The following MBD2 variants were observed in gnomAD, a reference collection of about 807,000 sequenced individuals.
The protein encoded by MBD2 is methyl-CpG-binding domain protein 2.
In MBD2, 9 loss-of-function variants were observed where a neutral mutation model predicts 39.3. That is an observed-to-expected ratio of 0.23 (90% CI 0.14 to 0.40). The LOEUF (loss-of-function observed/expected upper bound fraction) is 0.40. Ranked by LOEUF, MBD2 falls within the 10% of genes least tolerant of loss-of-function variation. MBD2 has a pLI of 1.00. For synonymous variants in MBD2, 233 were observed against 211.1 expected (o/e 1.10, Z -0.90); for missense variants, 458 against 532.6 (o/e 0.86, Z 1.38).
chr18:54,223,897 A>G, intron 1 of MBD2, 121 bp downstream of exon 1: 1 of 811,764 alleles, frequency 1.2e-6, no homozygotes, highest in Non-Finnish European at 1.8e-6. Context: ...TTCCACCACC[A>G]AACCAGCCTG....
At chr18:54,212,874 A>C (rs2086520734) in intron 1 of MBD2, among the ~76,000 whole-genome samples, 1 of 143,972 alleles carries the variant, frequency 6.9e-6, no homozygotes, top group Non-Finnish European at 1.5e-5. Context: ...TACAAAAAAA[A>C]CACAAAAATT....
At chr18:54,210,968 T>G (rs1308631522) in intron 1 of MBD2, among the ~76,000 whole-genome samples, 1 of 144,894 alleles carries the variant, frequency 6.9e-6, no homozygotes, top group East Asian at 2.0e-4. Flanking sequence ...GCCTCCCGGG[T>G]TCACGCCATT....
chr18:54,199,778 T>C (rs531498163), intron 2 of MBD2, among the ~76,000 whole-genome samples: 16 of 152,274 alleles, frequency 1.1e-4, no homozygotes, highest in African/African-American at 3.9e-4. Context: ...CATCTTTATT[T>C]TTCTAGACTA....
At chr18:54,194,009 A>G (rs1345924537) in intron 2 of MBD2, among the ~76,000 whole-genome samples, 2 of 152,142 alleles carry the variant, frequency 1.3e-5, no homozygotes, top group African/African-American at 4.8e-5. Context: ...TAACCTTCCA[A>G]TGATCTCACA....
At position 54,224,378 on chromosome 18, in the gene MBD2, C is replaced by G; in HGVS notation, c.182G>C (p.Arg61Pro). Residue 61 changes from arginine to proline, a missense_variant, in exon 1 of 7, where the codon CGG (arginine) becomes CCG (proline). Coordinates refer to ENST00000256429, the MANE Select transcript of MBD2 (RefSeq NM_003927.5). ...CCGGCCCGCCTGCTTCCACCGCCCC[C>G]GGCCACGGCCGCCGCCCCGAGCGCC... is the stretch of plus-strand genomic sequence containing the variant. The part of the protein sequence containing the change: ...REGARGGGRG[R>P]GRWKQAGRGG... 2 of 1,220,374 alleles carry G rather than the reference C, an allele frequency of 1.6e-6. No individual in the cohort carries two copies. Among genetic ancestry groups the G allele is most frequent in the East Asian group, 7.4e-5 (2 of 26,856 alleles). 75.6% of individuals were successfully genotyped at this position (1,220,374 alleles called of 1,614,324 possible).
At chr18:54,205,247 C>G (rs2086439438) in intron 1 of MBD2, 90 bp from the exon 2 acceptor site, 1 of 1,089,668 alleles carries the variant, frequency 9.2e-7, no homozygotes. Context: ...TCAATTGATA[C>G]CCCATTCTAA....
At chr18:54,190,962 A>T (rs562213287) in intron 2 of MBD2, among the ~76,000 whole-genome samples, 1 of 152,372 alleles carries the variant, frequency 6.6e-6, no homozygotes, top group African/African-American at 2.4e-5. Context: ...AAGAAAGAAA[A>T]GGGAGAAAAC....
rs780264033 is a variant in MBD2 at position 54,166,097 on chromosome 18, C to T, written c.910G>A (p.Glu304Lys). Residue 304 changes from glutamate to lysine, a missense_variant, in exon 4 of 7, where the codon GAA (glutamate) becomes AAA (lysine). By Grantham distance (56) the Glu-to-Lys change is moderately conservative. This residue lies in a region of MBD2 where 189 missense variants were observed against 296.6 expected (regional missense o/e 0.64). Transcript: ENST00000256429. Reference protein sequence around the residue: ...DVTEQIIKTMELPKGLQGVGP... With the variant: ...DVTEQIIKTMKLPKGLQGVGP... ...ATACCTTGAAGACCTTTGGGTAGTT[C>T]CATGGTTTTTATAATTTGTTCTGTT... 1.2e-6 allele frequency: 2 copies of T among 1,613,092 alleles called. No individual in the cohort carries two copies. The highest frequency in any genetic ancestry group is 1.7e-5 in the Admixed American group (1 of 59,974).
rs901837034 is a variant in MBD2, at chr18:54,219,239, A to T, written c.542+4779T>A. 5.3e-5 allele frequency among the ~76,000 whole-genome samples: 8 copies of T among 152,252 alleles called. No individual in the cohort carries two copies. In the South Asian group the frequency reaches 1.7e-3, roughly 31 times the overall value. ...GGCTTTCCACAGTACCTTCACACTGATGATGAAAATTAGAAACTACAAAAT... is the reference window on the plus strand; with the variant it reads ...GGCTTTCCACAGTACCTTCACACTGTTGATGAAAATTAGAAACTACAAAAT... On this transcript the variant is annotated intron_variant, in intron 1 of 6. Coordinates refer to ENST00000256429, the MANE Select transcript of MBD2 (RefSeq NM_003927.5).
Position 54,224,452 on chromosome 18 carries a change from G to GC in MBD2, c.107dup (p.Gln37ProfsTer149). 1 of 1,238,082 alleles carries GC rather than the reference G, an allele frequency of 8.1e-7. No individual in the cohort carries two copies. Among genetic ancestry groups the GC allele is most frequent in the Non-Finnish European group, 1.0e-6 (1 of 994,052 alleles). The allele number at this position is 1,238,082 out of a possible 1,614,324, so 76.7% of individuals were successfully genotyped here. On this transcript the variant is annotated frameshift_variant, in exon 1 of 7. Transcript: ENST00000256429. LOFTEE classifies it high-confidence loss of function. ...GGGACGGGGCGAGCGCGCTGCCCTG[G>GC]CCCCCCTGCTCTATGGCGGAGTCGC...
intron 2 of MBD2, among the ~76,000 whole-genome samples, chr18:54,200,107 G>C (rs1000859660): frequency 1.3e-5 from 2 of 152,140 alleles, no homozygotes; most frequent in African/African-American, 4.8e-5. Flanking sequence ...AATAATGGCA[G>C]ACTTAACACA....
intron 3 of MBD2, among the ~76,000 whole-genome samples, chr18:54,183,539 C>A (rs937319551): frequency 6.6e-6 from 1 of 152,146 alleles, no homozygotes; most frequent in Non-Finnish European, 1.5e-5. Flanking sequence ...TATTGTTTAA[C>A]GTTAAAGCAG....
At position 54,186,305 on chromosome 18, in the gene MBD2, A is replaced by G. The variant is rs369756078; in HGVS notation, c.840+2569T>C. ...CTAATTCATTTACTCTCTAATAAAA[A>G]TAACTTCTCCAATTGGAATATTTGG... On this transcript the variant is annotated intron_variant, in intron 3 of 6. Coordinates refer to ENST00000256429, the MANE Select transcript of MBD2 (RefSeq NM_003927.5). Among the ~76,000 whole-genome samples, 80 of 152,300 alleles carry G rather than the reference A, an allele frequency of 5.3e-4. 1 individual carries two copies. The South Asian group carries it at 0.013, about 26-fold the overall frequency.
intron 3 of MBD2, among the ~76,000 whole-genome samples, chr18:54,181,975 A>C (rs924732926): frequency 7.9e-5 from 12 of 151,564 alleles, no homozygotes; most frequent in African/African-American, 2.9e-4. Flanking sequence ...ATGCTCTCTC[A>C]CTCTTCTGGT....
At chr18:54,195,650 T>A (rs1439804662) in intron 2 of MBD2, among the ~76,000 whole-genome samples, 1 of 152,090 alleles carries the variant, frequency 6.6e-6, no homozygotes, top group Non-Finnish European at 1.5e-5. Context: ...CAGTTGATCA[T>A]TGAACAAAAC....
intron 3 of MBD2, among the ~76,000 whole-genome samples, chr18:54,170,190 C>T (rs896245113): frequency 6.6e-6 from 1 of 152,226 alleles, no homozygotes; most frequent in Admixed American, 6.5e-5. Context: ...AGCATAGTTG[C>T]ATGTACTTTA....
In MBD2 at chr18:54,155,217, C is replaced by T. The variant is rs1325747266; in HGVS notation, c.*107G>A. The T allele has an allele frequency of 6.6e-6, 1 of 151,464 alleles. No homozygotes were observed. Among genetic ancestry groups the T allele is most frequent in the Admixed American group, 6.6e-5 (1 of 15,206 alleles). 9.4% of individuals were successfully genotyped at this position (151,464 alleles called of 1,614,324 possible). A position where few individuals can be genotyped will look rare whatever the true frequency, so the allele number is the denominator to read the frequency against. ...GTGCTATTAAAAAGCTCTATGTGCT[C>T]GGGTACATTTTTTTTCTTACAGGCA... On this transcript the variant is annotated 3_prime_UTR_variant, in exon 7 of 7. Coordinates refer to ENST00000256429, the MANE Select transcript of MBD2 (RefSeq NM_003927.5).
intron 6 of MBD2, among the ~76,000 whole-genome samples, chr18:54,157,622 A>G (rs913230721): frequency 6.6e-6 from 1 of 152,198 alleles, no homozygotes; most frequent in Non-Finnish European, 1.5e-5. Context: ...ATGGATGGAC[A>G]TGTAAATGTA....
chr18:54,175,655 G>A (rs1238318754), intron 3 of MBD2, among the ~76,000 whole-genome samples: 2 of 152,136 alleles, frequency 1.3e-5, no homozygotes, highest in African/African-American at 4.8e-5. Flanking sequence ...CACTAGTAGA[G>A]AGAACTTGTG....
Sources: allele counts gnomAD v4.1 joint callset (sites outside exome capture counted in the v4.1 genomes callset), GRCh38; gene constraint gnomAD v4.1.1; regional missense constraint gnomAD v4.1.1; transcripts MANE v1.5; gene names NCBI Gene and HGNC (gene_info 2026-07-23, HGNC 2026-07-21).